Variants in GRAMD1C observed in about 807,000 individuals in gnomAD.
GRAMD1C encodes protein Aster-C.
In GRAMD1C, 89 loss-of-function variants were observed where a neutral mutation model predicts 97.8. That is an observed-to-expected ratio of 0.91 (90% CI 0.77 to 1.09). The LOEUF is 1.09. Among genes scored for constraint, GRAMD1C ranks in the 50% least tolerant of loss-of-function variants. The probability of loss-of-function intolerance (pLI) is 0.00; values close to 1 mark genes in which losing one functional copy is unlikely to be tolerated. For missense variants in GRAMD1C, 740 were observed against 766.4 expected (o/e 0.97, Z 0.41); for synonymous variants, 256 against 267.0 (o/e 0.96, Z 0.40).
At chr3:113,888,265 T>A (rs1241172491) in intron 6 of GRAMD1C, among the ~76,000 whole-genome samples, 1 of 152,178 alleles carries the variant, frequency 6.6e-6, no homozygotes, top group East Asian at 1.9e-4. Flanking sequence ...TGAAAAGGTA[T>A]ATACTATTAT....
At chr3:113,856,294 A>G (rs1411135116) in intron 2 of GRAMD1C, among the ~76,000 whole-genome samples, 1 of 152,006 alleles carries the variant, frequency 6.6e-6, no homozygotes, top group Non-Finnish European at 1.5e-5. Context: ...TGCATTTTTG[A>G]AGAAATAATA....
At chr3:113,881,929 A>G (rs1448882923) in intron 5 of GRAMD1C, among the ~76,000 whole-genome samples, 2 of 152,166 alleles carry the variant, frequency 1.3e-5, no homozygotes, top group Non-Finnish European at 2.9e-5. Context: ...TGTGAAAATC[A>G]TTAGCATCCA....
intron 17 of GRAMD1C, among the ~76,000 whole-genome samples, chr3:113,944,069 G>A (rs911269521): frequency 1.3e-5 from 2 of 151,984 alleles, no homozygotes; most frequent in Admixed American, 6.6e-5. Context: ...ATAACCACAC[G>A]TTCCAATGAC....
At position 113,854,142 on chromosome 3, in the gene GRAMD1C, GT is replaced by G. The variant is rs531970469; in HGVS notation, c.174+9504del. Reference sequence around the variant, plus strand: ...GTTCTGGCATGTGGGGAAATCAAGAGTTTTTTTTTTTGTAACTGAGTTGGCG... The same window carrying G: ...GTTCTGGCATGTGGGGAAATCAAGAGTTTTTTTTTTGTAACTGAGTTGGCG... On this transcript the variant is annotated intron_variant, in intron 2 of 17. Transcript: ENST00000358160. Among the ~76,000 whole-genome samples, 33 of 146,844 alleles carry G rather than the reference GT, an allele frequency of 2.2e-4. No individual in the cohort carries two copies. The East Asian group carries it at 2.6e-3, about 11-fold the overall frequency.
At chr3:113,921,501 G>A (rs927104533) in intron 10 of GRAMD1C, among the ~76,000 whole-genome samples, 3 of 152,196 alleles carry the variant, frequency 2.0e-5, no homozygotes, top group African/African-American at 7.2e-5. Context: ...CAGGTCAAAT[G>A]GTAGTCTGTT....
At chr3:113,870,997 A>G (rs1210745675) in intron 3 of GRAMD1C, among the ~76,000 whole-genome samples, 2 of 82,654 alleles carry the variant, frequency 2.4e-5, no homozygotes, top group African/African-American at 3.9e-5. Flanking sequence ...ACACACACAC[A>G]CACACACACA....
In GRAMD1C at chr3:113,934,452, A is replaced by G; in HGVS notation, c.1373A>G (p.Tyr458Cys). 1 of 1,544,394 alleles carries G rather than the reference A, an allele frequency of 6.5e-7. No individual in the cohort carries two copies. Among genetic ancestry groups the G allele is most frequent in the Non-Finnish European group, 8.9e-7 (1 of 1,126,758 alleles). Residue 458 changes from tyrosine to cysteine, a missense_variant, in exon 13 of 18, where the codon TAC (tyrosine) becomes TGC (cysteine). Physicochemically the swap from Tyr to Cys is radical, Grantham distance 194. Transcript: ENST00000358160. ...ACTAGAGTTTCCACAGATTTGAAAT[A>G]CAGAAAACAGCCATGGGGCCTTGTC... The part of the protein sequence containing the change: ...CRLRVSTDLK[Y>C]RKQPWGLVKS...
At chr3:113,888,381 T>C (rs1047872786) in intron 6 of GRAMD1C, among the ~76,000 whole-genome samples, 2 of 152,194 alleles carry the variant, frequency 1.3e-5, no homozygotes, top group African/African-American at 2.4e-5. Context: ...AAGTTTCATT[T>C]ATGCAAGATG....
At chr3:113,901,829 C>G (rs934096295) in intron 7 of GRAMD1C, among the ~76,000 whole-genome samples, 1 of 152,072 alleles carries the variant, frequency 6.6e-6, no homozygotes, top group African/African-American at 2.4e-5. Flanking sequence ...AATTCTATAG[C>G]AAACATTATG....
chr3:113,915,683 G>C lies in GRAMD1C; in HGVS notation c.953-18G>C. 6.3e-7 allele frequency: 1 copy of C among 1,599,212 alleles called. No individual in the cohort carries two copies. Among genetic ancestry groups the C allele is most frequent in the Non-Finnish European group, 8.5e-7 (1 of 1,170,308 alleles). ...TCTTTGATTTCTTCTCTTTTGGTTT[G>C]TGTTTCTGTTTTTCCAGAAAATGTT... is the stretch of plus-strand genomic sequence containing the variant. On this transcript the variant is annotated intron_variant, in intron 9 of 17. Transcript: ENST00000358160.
intron 17 of GRAMD1C, among the ~76,000 whole-genome samples, 175 bp downstream of exon 17, chr3:113,940,520 CTTTTG>C (rs1354843381): frequency 6.6e-6 from 1 of 152,100 alleles, no homozygotes; most frequent in African/African-American, 2.4e-5. Context: ...TATGTAGTCA[CTTTTG>C]TTTATTTATT....
chr3:113,863,285 T>C (rs978261749), intron 2 of GRAMD1C, among the ~76,000 whole-genome samples: 2 of 152,298 alleles, frequency 1.3e-5, no homozygotes, highest in African/African-American at 2.4e-5. Context: ...CATGCTGCAA[T>C]ATAGATGAAC....
At chr3:113,923,114 A>G (rs922381160) in intron 10 of GRAMD1C, among the ~76,000 whole-genome samples, 1 of 151,852 alleles carries the variant, frequency 6.6e-6, no homozygotes, top group Non-Finnish European at 1.5e-5. Flanking sequence ...TGATTTTTGT[A>G]CATTGATTTT....
chr3:113,850,093 A>G (rs936843297), intron 2 of GRAMD1C: 2 of 351,354 alleles, frequency 5.7e-6, no homozygotes, highest in Non-Finnish European at 1.1e-5. Flanking sequence ...CCCTCCCTAG[A>G]GCCCCTCCAG....
rs1471404582 is a variant in GRAMD1C, at chr3:113,940,295, G to T, written c.1858G>T (p.Ala620Ser). 2 of 1,611,638 alleles carry T rather than the reference G, an allele frequency of 1.2e-6. No homozygotes were observed. ...AACTATTCAGAAGAATAAAGATCAG[G>T]CCCATCGTTTAAAGGGAGTGCTCCG... The part of the protein sequence containing the change: ...AETIQKNKDQ[A>S]HRLKGVLRDS... The change falls in exon 17 of 18, where the codon GCC becomes TCC. Residue 620 changes from alanine to serine, a missense_variant. By Grantham distance (99) the Ala-to-Ser change is moderately conservative. Coordinates refer to ENST00000358160, the MANE Select transcript of GRAMD1C (RefSeq NM_017577.5).
At position 113,930,761 on chromosome 3, in the gene GRAMD1C, A is replaced by C. The variant is rs573759594; in HGVS notation, c.1138A>C (p.Arg380=). 3.7e-6 allele frequency: 6 copies of C among 1,612,368 alleles called. No individual in the cohort carries two copies. In the African/African-American group the frequency reaches 8.0e-5, roughly 21 times the overall value. The part of the protein sequence containing the change: ...WTAELGGDQL[R]TMTYTIVLNS... ...TGCAGAACTTGGAGGTGATCAGCTG[A>C]GAACGATGACCTACACTATAGTCCT... Residue 380 remains arginine (R), a synonymous_variant, in exon 11 of 18, where the codon AGA becomes CGA. Transcript: ENST00000358160.
At chr3:113,853,717 A>G (rs1934003856) in intron 2 of GRAMD1C, among the ~76,000 whole-genome samples, 1 of 152,244 alleles carries the variant, frequency 6.6e-6, no homozygotes, top group South Asian at 2.1e-4. Flanking sequence ...ATAACTAAAC[A>G]AACATGTACT....
At chr3:113,923,010 G>A (rs1937112791) in intron 10 of GRAMD1C, among the ~76,000 whole-genome samples, 1 of 151,654 alleles carries the variant, frequency 6.6e-6, no homozygotes, top group Non-Finnish European at 1.5e-5. Context: ...GTATTTCTGG[G>A]TATTTTACTT....
rs952395235 is a variant in GRAMD1C at position 113,904,152 on chromosome 3, A to T, written c.669A>T (p.Arg223Ser). Reference protein sequence around the residue: ...IEDVQPRSPGRSSLDDSGERD... With the variant: ...IEDVQPRSPGSSSLDDSGERD... ...GTGTTTCTTACAGAAGTCCAGGAAG[A>T]AGCAGCTTGGATGACTCTGGGGAGA... Residue 223 changes from arginine to serine, a missense_variant, in exon 8 of 18, where the codon AGA (arginine) becomes AGT (serine). Coordinates refer to ENST00000358160, the MANE Select transcript of GRAMD1C (RefSeq NM_017577.5). 43 of 1,610,152 alleles carry T rather than the reference A, an allele frequency of 2.7e-5. No homozygotes were observed. Among genetic ancestry groups the T allele is most frequent in the Non-Finnish European group, 3.6e-5 (42 of 1,176,730 alleles).
Sources: gnomAD v4.1 joint callset for allele counts (sites outside exome capture counted in the v4.1 genomes callset) on GRCh38, gnomAD v4.1.1 for gene constraint, MANE v1.5 for transcripts, NCBI Gene and HGNC (gene_info 2026-07-23, HGNC 2026-07-21) for gene names.